Variants in MXRA7 observed in about 807,000 individuals in gnomAD.
The protein encoded by MXRA7 is matrix remodeling associated 7, also known as matrix-remodeling-associated protein 7.
In MXRA7, 18 loss-of-function variants were observed where a neutral mutation model predicts 17.4. The ratio of observed to expected loss-of-function variants is 1.03; its 90% CI spans 0.71 to 1.53. The LOEUF is 1.53. Ranked by LOEUF, MXRA7 falls within the 40% of genes most tolerant of loss-of-function variation. The pLI is 0.00. For synonymous variants in MXRA7, 70 were observed against 101.7 expected, an observed-to-expected ratio of 0.69 and a Z score of 1.87; for missense variants, 141 against 209.3, an observed-to-expected ratio of 0.67 and a Z score of 2.01.
chr17:76,683,773 C>T (rs748820293), intron 3 of MXRA7: 5 of 1,064,606 alleles, frequency 4.7e-6, no homozygotes, highest in Non-Finnish European at 5.8e-6. Context: ...GTTGAGGCCG[C>T]GTCAGTTGTT....
chr17:76,679,402 T>C (rs975509205), downstream of MXRA7, among the ~76,000 whole-genome samples: 3 of 152,090 alleles, frequency 2.0e-5, no homozygotes, highest in Admixed American at 2.0e-4. Context: ...GATCATGTCA[T>C]GTGGTTTTGA....
At chr17:76,683,689 C>T (rs1021472901) in intron 3 of MXRA7, among the ~76,000 whole-genome samples, 6 of 152,166 alleles carry the variant, frequency 3.9e-5, no homozygotes, top group African/African-American at 7.2e-5. Context: ...AGAGATTCCT[C>T]GTGCTTGAGA....
chr17:76,699,553 C>T (rs1231392403), intron 1 of MXRA7, among the ~76,000 whole-genome samples: 1 of 151,490 alleles, frequency 6.6e-6, no homozygotes, highest in Non-Finnish European at 1.5e-5. Context: ...TTTCAATAAT[C>T]TCTGTTTCTC....
At chr17:76,691,084 G>A (rs1349390313) in intron 1 of MXRA7, among the ~76,000 whole-genome samples, 3 of 152,180 alleles carry the variant, frequency 2.0e-5, no homozygotes, top group Non-Finnish European at 4.4e-5. Context: ...TGAGGAGCTT[G>A]GAACTTTCAG....
intron 1 of MXRA7, among the ~76,000 whole-genome samples, chr17:76,707,289 C>CT (rs2076672668): frequency 9.2e-6 from 1 of 108,990 alleles, no homozygotes; most frequent in African/African-American, 3.7e-5. Context: ...GAAGTCCCTA[C>CT]TCTTTTTTTT....
intron 1 of MXRA7, chr17:76,689,717 G>T (rs1278034355): frequency 6.6e-6 from 1 of 152,158 alleles, no homozygotes; most frequent in Non-Finnish European, 1.5e-5. Context: ...TGAAAAGACA[G>T]AACTGGGGAC....
At chr17:76,685,231 C>G in intron 2 of MXRA7, 66 bp from the exon 3 acceptor site, 1 of 1,214,890 alleles carries the variant, frequency 8.2e-7, no homozygotes, top group South Asian at 1.2e-5. Context: ...ACCCCGGCCC[C>G]CTTTCCCTAG....
chr17:76,706,721 AC>A (rs1398378894), intron 1 of MXRA7, among the ~76,000 whole-genome samples: 1 of 152,190 alleles, frequency 6.6e-6, no homozygotes, highest in Non-Finnish European at 1.5e-5. Context: ...ACCCACTCAG[AC>A]CACCACCTCC....
At chr17:76,695,908 C>T (rs901571396) in intron 1 of MXRA7, among the ~76,000 whole-genome samples, 3 of 152,010 alleles carry the variant, frequency 2.0e-5, no homozygotes, top group African/African-American at 7.3e-5. Flanking sequence ...GCTTGGCCAA[C>T]ACGGTGAGAC....
At chr17:76,702,245 A>T (rs1034667939) in intron 1 of MXRA7, among the ~76,000 whole-genome samples, 2 of 152,216 alleles carry the variant, frequency 1.3e-5, no homozygotes, top group African/African-American at 4.8e-5. Context: ...AGCAATTCAC[A>T]TCTGTAATCA....
At chr17:76,679,302 A>AAG (rs537315115), downstream of MXRA7, among the ~76,000 whole-genome samples, 1 of 151,322 alleles carries the variant, frequency 6.6e-6, no homozygotes, top group East Asian at 1.9e-4. Flanking sequence ...AAAAAAAAAA[A>AAG]AAGAAGAAGA....
downstream of MXRA7, among the ~76,000 whole-genome samples, chr17:76,678,587 T>C (rs2076259721): frequency 6.6e-6 from 1 of 152,214 alleles, no homozygotes; most frequent in Admixed American, 6.5e-5. Context: ...CTGCAGTTCC[T>C]GCCCCCCACA....
intron 1 of MXRA7, among the ~76,000 whole-genome samples, chr17:76,692,393 A>G (rs2076486867): frequency 6.6e-6 from 1 of 151,874 alleles, no homozygotes; most frequent in South Asian, 2.1e-4. Context: ...AGCTGGGACT[A>G]TGGGCATGTG....
exon 4 of MXRA7, chr17:76,672,814 T>G (rs2076212365): frequency 6.6e-6 from 1 of 152,110 alleles, no homozygotes; most frequent in Non-Finnish European, 1.5e-5. Flanking sequence ...AAACCAAAAC[T>G]GATAAAATTG....
chr17:76,693,362 G>A (rs959804331), intron 1 of MXRA7, among the ~76,000 whole-genome samples: 1 of 151,868 alleles, frequency 6.6e-6, no homozygotes, highest in Admixed American at 6.6e-5. Flanking sequence ...CTACTTGGGA[G>A]GCTGAGGCAG....
At chr17:76,683,630 C>T (rs112147790) in intron 3 of MXRA7, among the ~76,000 whole-genome samples, 139 of 152,312 alleles carry the variant, frequency 9.1e-4, no homozygotes, top group African/African-American at 3.0e-3. Flanking sequence ...AACTCAGGGA[C>T]TTAACTCCCC....
chr17:76,706,060 C>A (rs2076651509), intron 1 of MXRA7, among the ~76,000 whole-genome samples: 1 of 151,828 alleles, frequency 6.6e-6, no homozygotes, highest in African/African-American at 2.4e-5. Context: ...AAGGACCACA[C>A]TGCCATCACA....
At chr17:76,703,927 C>A (rs911111034) in intron 1 of MXRA7, among the ~76,000 whole-genome samples, 3 of 151,262 alleles carry the variant, frequency 2.0e-5, no homozygotes, top group Non-Finnish European at 2.9e-5. Flanking sequence ...GCCAATGTAA[C>A]CCTGTGTCCA....
intron 3 of MXRA7, among the ~76,000 whole-genome samples, chr17:76,682,529 A>G (rs1268603812): frequency 1.3e-5 from 2 of 152,122 alleles, no homozygotes; most frequent in Non-Finnish European, 2.9e-5. Context: ...CACCCCCATG[A>G]GAACCATCGT....
Sources: gnomAD v4.1 joint callset for allele counts (sites outside exome capture counted in the v4.1 genomes callset) on GRCh38, gnomAD v4.1.1 for gene constraint, MANE v1.5 for transcripts, NCBI Gene and HGNC (gene_info 2026-07-23, HGNC 2026-07-21) for gene names.